The following CSMD1 variants were observed in gnomAD, a reference collection of about 807,000 sequenced individuals.
CSMD1 encodes the protein CUB and sushi domain-containing protein 1.
A neutral mutation model predicts 417.5 loss-of-function variants in CSMD1; 213 were observed. The observed-to-expected ratio is 0.51, with a 90% CI of 0.46 to 0.57. The LOEUF (loss-of-function observed/expected upper bound fraction) is 0.57, where lower values mean the gene tolerates loss of function less well. CSMD1 is among the 20% of genes least tolerant of loss of function. The probability of loss-of-function intolerance (pLI) is 0.00; values close to 1 mark genes in which losing one functional copy is unlikely to be tolerated. For missense variants in CSMD1, 6,923 were observed against 4,529.7 expected, an observed-to-expected ratio of 1.53 and a Z score of -15.17; for synonymous variants, 2,862 against 1,736.8, an observed-to-expected ratio of 1.65 and a Z score of -16.11.
chr8:4,957,544 T>C (rs1809199750), intron 1 of CSMD1, among the ~76,000 whole-genome samples: 1 of 152,164 alleles, frequency 6.6e-6, no homozygotes, highest in Admixed American at 6.6e-5. Context: ...TATGAGAAAT[T>C]CATTGTGATA....
At position 3,284,264 on chromosome 8, in the gene CSMD1, G is replaced by A. The variant is rs937849391; in HGVS notation, c.4033C>T (p.Leu1345=). The A allele has an allele frequency of 1.2e-6, 2 of 1,613,834 alleles. No homozygotes were observed. Among genetic ancestry groups the A allele is most frequent in the Non-Finnish European group, 1.7e-6 (2 of 1,179,878 alleles). Residue 1345 remains leucine (L), a synonymous_variant, in exon 26 of 70, where the codon CTG becomes TTG. Transcript: ENST00000635120. ...AGGGCGGAGCCACTCCACTCCTTCA[G>A]CAGGATGTCACTGTCCACCGGCCCG... The part of the protein sequence containing the change: ...WDGPVDSDIL[L]KEWSGSALPE...
chr8:3,772,312 C>T (rs369804918), intron 5 of CSMD1, among the ~76,000 whole-genome samples: 887 of 46,444 alleles, frequency 0.019, 112 homozygotes, highest in African/African-American at 0.083. Context: ...TATATTTAGA[C>T]ATACATATGT....
chr8:4,165,335 C>G (rs528533358), intron 3 of CSMD1, among the ~76,000 whole-genome samples: 2 of 152,232 alleles, frequency 1.3e-5, no homozygotes, highest in Admixed American at 1.3e-4. Flanking sequence ...AGCGCAAACA[C>G]GTGGTGTCCC....
intron 17 of CSMD1, among the ~76,000 whole-genome samples, chr8:3,392,608 G>C (rs1279626633): frequency 6.6e-6 from 1 of 151,902 alleles, no homozygotes; most frequent in Non-Finnish European, 1.5e-5. Flanking sequence ...CGGGATCTGC[G>C]TCTGCCTTCA....
At chr8:3,604,483 T>C (rs17066581) in intron 8 of CSMD1, among the ~76,000 whole-genome samples, 5,925 of 152,138 alleles carry the variant, frequency 0.039, 373 homozygotes, top group African/African-American at 0.13. Context: ...AGAAGGATCA[T>C]AGAAATGAAG....
chr8:3,430,898 A>AC (rs1814177556), intron 12 of CSMD1, among the ~76,000 whole-genome samples: 1 of 152,232 alleles, frequency 6.6e-6, no homozygotes, highest in Non-Finnish European at 1.5e-5. Context: ...AAATAATTGA[A>AC]GAAAATTGGA....
intron 49 of CSMD1, among the ~76,000 whole-genome samples, chr8:3,074,230 C>G (rs370845821): frequency 2.6e-5 from 4 of 152,202 alleles, no homozygotes; most frequent in African/African-American, 9.7e-5. Flanking sequence ...AAGGCTCTCC[C>G]TCACATCCAG....
At chr8:4,943,033 G>C (rs1052008503) in intron 1 of CSMD1, among the ~76,000 whole-genome samples, 2 of 152,100 alleles carry the variant, frequency 1.3e-5, no homozygotes, top group African/African-American at 4.8e-5. Flanking sequence ...CTTTGAGGAA[G>C]ACCAAATCAA....
intron 3 of CSMD1, among the ~76,000 whole-genome samples, chr8:4,064,691 C>T (rs1369182187): frequency 6.6e-6 from 1 of 152,206 alleles, no homozygotes; most frequent in Admixed American, 6.5e-5. Flanking sequence ...CTGCTGCTGC[C>T]CTGGCGTGTT....
intron 5 of CSMD1, among the ~76,000 whole-genome samples, chr8:3,820,346 T>G (rs1332535917): frequency 6.6e-6 from 1 of 152,074 alleles, no homozygotes; most frequent in Admixed American, 6.5e-5. Context: ...TATATGGTGT[T>G]TGAACTGGGA....
At chr8:3,728,736 G>C (rs1425118388) in intron 6 of CSMD1, among the ~76,000 whole-genome samples, 1 of 152,178 alleles carries the variant, frequency 6.6e-6, no homozygotes, top group Non-Finnish European at 1.5e-5. Context: ...GGCATGGTCT[G>C]TCTTAAGTTA....
chr8:3,299,347 G>T (rs938863421), intron 25 of CSMD1, among the ~76,000 whole-genome samples: 1 of 152,120 alleles, frequency 6.6e-6, no homozygotes. Context: ...AGCTACTCAG[G>T]AGGCTCAGGC....
intron 12 of CSMD1, among the ~76,000 whole-genome samples, chr8:3,430,984 C>A (rs1814183421): frequency 6.6e-6 from 1 of 152,176 alleles, no homozygotes; most frequent in Admixed American, 6.5e-5. Context: ...ACTGCATTGT[C>A]TGAGCCCTTA....
At chr8:3,858,712 T>C (rs570077352) in intron 5 of CSMD1, among the ~76,000 whole-genome samples, 141 of 152,208 alleles carry the variant, frequency 9.3e-4, no homozygotes, top group African/African-American at 2.7e-3. Flanking sequence ...AATAAAATAG[T>C]CCATAAATCA....
intron 37 of CSMD1, among the ~76,000 whole-genome samples, chr8:3,166,175 G>T (rs193009952): frequency 6.6e-6 from 1 of 151,932 alleles, no homozygotes; most frequent in African/African-American, 2.4e-5. Context: ...CTTTTAAAAA[G>T]AATCATGTAC....
intron 7 of CSMD1, among the ~76,000 whole-genome samples, chr8:3,619,695 G>C (rs4471070): frequency 0.55 from 83,512 of 151,362 alleles, 22,755 homozygotes; most frequent in Middle Eastern, 0.64. Context: ...AATCTTAAAA[G>C]CAGAAAGAGA....
intron 62 of CSMD1, among the ~76,000 whole-genome samples, chr8:2,960,350 TG>T (rs1427745290): frequency 4.6e-5 from 7 of 152,152 alleles, no homozygotes; most frequent in Admixed American, 4.6e-4. Flanking sequence ...GCGAGAACAA[TG>T]GGAATATTTT....
chr8:2,970,611 T>C (rs1302376049), intron 57 of CSMD1, among the ~76,000 whole-genome samples: 1 of 152,204 alleles, frequency 6.6e-6, no homozygotes, highest in African/African-American at 2.4e-5. Flanking sequence ...TCAATTAAAA[T>C]ACTGCCGATG....
chr8:4,963,362 G>C (rs528954654), intron 1 of CSMD1, among the ~76,000 whole-genome samples: 122 of 152,134 alleles, frequency 8.0e-4, no homozygotes, highest in African/African-American at 2.9e-3. Flanking sequence ...ACCCTGCCCA[G>C]CTAATTTTTG....
Sources: allele counts gnomAD v4.1 joint callset (sites outside exome capture counted in the v4.1 genomes callset), GRCh38; gene constraint gnomAD v4.1.1; transcripts MANE v1.5; gene names NCBI Gene and HGNC (gene_info 2026-07-23, HGNC 2026-07-21).